The following MALRD1 variants were observed in gnomAD, a reference collection of about 807,000 sequenced individuals.
MALRD1 encodes MAM and LDL receptor class A domain containing 1.
In MALRD1, 247 loss-of-function variants were observed where a neutral mutation model predicts 242.1. That is an observed-to-expected ratio of 1.02 (90% confidence interval 0.92 to 1.13). The LOEUF (loss-of-function observed/expected upper bound fraction) is 1.13. MALRD1 is among the 50% of genes most tolerant of loss of function. The pLI, the probability that MALRD1 is intolerant of heterozygous loss-of-function variation, is 0.00. For missense variants in MALRD1, 2,989 were observed against 2,533.1 expected (o/e 1.18, Z -3.86); for synonymous variants, 995 against 866.6 (o/e 1.15, Z -2.60).
chr10:19,278,040 A>G (rs1424728291), intron 19 of MALRD1, among the ~76,000 whole-genome samples: 9 of 152,072 alleles, frequency 5.9e-5, no homozygotes, highest in Admixed American at 1.3e-4. Flanking sequence ...TTATTTCTCC[A>G]TATTTTTGTG....
Position 19,205,099 on chromosome 10 carries a change from A to C in MALRD1, c.2412A>C (p.Ser804=). The C allele has an allele frequency of 2.6e-6, 4 of 1,550,648 alleles. No individual in the cohort carries two copies. Among genetic ancestry groups the C allele is most frequent in the Non-Finnish European group, 3.5e-6 (4 of 1,146,988 alleles). ...KVSLGIYDGV[S]AIDDIRFENC... is the part of the protein sequence containing the mutation. ...GTCTGGGCATTTATGATGGGGTCTCAGCTATTGATGACATCCGATTTGAAA... is the reference window on the plus strand; with the variant it reads ...GTCTGGGCATTTATGATGGGGTCTCCGCTATTGATGACATCCGATTTGAAA... The change falls in exon 17 of 40, where the codon TCA becomes TCC. Residue 804 remains serine (S), a synonymous_variant. Transcript: ENST00000454679.
intron 1 of MALRD1, among the ~76,000 whole-genome samples, chr10:19,056,297 C>CAATATT (rs1334277560): frequency 6.7e-6 from 1 of 150,318 alleles, no homozygotes; most frequent in Admixed American, 6.7e-5. Context: ...GGCATTTTGA[C>CAATATT]AATATTAATT....
intron 19 of MALRD1, among the ~76,000 whole-genome samples, chr10:19,262,140 C>G (rs1208580634): frequency 6.6e-6 from 1 of 152,030 alleles, no homozygotes; most frequent in Non-Finnish European, 1.5e-5. Context: ...AAATCATTCT[C>G]AATTATGAAT....
At chr10:19,618,166 CT>C (rs964669617) in intron 36 of MALRD1, among the ~76,000 whole-genome samples, 140 of 151,906 alleles carry the variant, frequency 9.2e-4, no homozygotes, top group African/African-American at 2.6e-3. Context: ...GAATCTAATT[CT>C]TTTTTTTAAG....
intron 32 of MALRD1, among the ~76,000 whole-genome samples, chr10:19,552,564 G>T (rs1370308790): frequency 2.0e-5 from 3 of 151,784 alleles, no homozygotes; most frequent in African/African-American, 7.3e-5. Flanking sequence ...GTGTGTGTGT[G>T]TGTGTGTCTG....
chr10:19,226,730 AAAAT>A (rs1393088274), intron 18 of MALRD1, among the ~76,000 whole-genome samples: 2 of 152,094 alleles, frequency 1.3e-5, no homozygotes, highest in Non-Finnish European at 2.9e-5. Flanking sequence ...GGAAGAAAGA[AAAAT>A]AATATTCTCA....
chr10:19,727,935 T>C (rs1835110599), intron 38 of MALRD1, among the ~76,000 whole-genome samples: 1 of 152,132 alleles, frequency 6.6e-6, no homozygotes, highest in Non-Finnish European at 1.5e-5. Context: ...TTGATGAAAA[T>C]GGAAAATCAT....
At chr10:19,375,422 A>T (rs186474568) in intron 26 of MALRD1, among the ~76,000 whole-genome samples, 65 of 152,188 alleles carry the variant, frequency 4.3e-4, no homozygotes, top group African/African-American at 1.4e-3. Flanking sequence ...GGTGAGAAAG[A>T]GTTGGGAGAA....
intron 19 of MALRD1, among the ~76,000 whole-genome samples, chr10:19,270,040 T>G (rs887517923): frequency 6.6e-6 from 1 of 152,024 alleles, no homozygotes; most frequent in Non-Finnish European, 1.5e-5. Context: ...TTTTGCTGAG[T>G]GTGGTGGCTC....
chr10:19,164,250 G>C (rs1285142469), intron 12 of MALRD1, among the ~76,000 whole-genome samples: 1 of 152,096 alleles, frequency 6.6e-6, no homozygotes, highest in African/African-American at 2.4e-5. Flanking sequence ...CAAATAGAAT[G>C]CTTGGTGTTT....
intron 28 of MALRD1, among the ~76,000 whole-genome samples, chr10:19,419,098 T>C (rs551738500): frequency 2.6e-5 from 4 of 152,292 alleles, no homozygotes; most frequent in South Asian, 2.1e-4. Flanking sequence ...CGCCTTCCTT[T>C]CCACATCTCC....
intron 38 of MALRD1, 103 bp downstream of exon 38, chr10:19,692,657 G>A: frequency 1.2e-6 from 1 of 857,958 alleles, no homozygotes; most frequent in Admixed American, 2.7e-5. Flanking sequence ...TTACATGCAG[G>A]AAACTTTAGT....
intron 26 of MALRD1, among the ~76,000 whole-genome samples, chr10:19,353,384 A>G (rs903156310): frequency 2.0e-5 from 3 of 152,228 alleles, no homozygotes; most frequent in East Asian, 1.9e-4. Flanking sequence ...TATATTTATT[A>G]TAATTGATGA....
At chr10:19,228,861 G>A (rs1309128467) in intron 18 of MALRD1, among the ~76,000 whole-genome samples, 3 of 151,876 alleles carry the variant, frequency 2.0e-5, no homozygotes, top group African/African-American at 7.3e-5. Context: ...ACTTCAAAAA[G>A]GCACGTAGTT....
chr10:19,489,457 G>A, intron 29 of MALRD1: 1 of 584,424 alleles, frequency 1.7e-6, no homozygotes, highest in Admixed American at 1.9e-5. Context: ...GTACAATCCA[G>A]GGGAATATTT....
At chr10:19,157,056 C>G (rs549550351) in intron 12 of MALRD1, among the ~76,000 whole-genome samples, 6 of 152,084 alleles carry the variant, frequency 3.9e-5, no homozygotes, top group African/African-American at 7.2e-5. Flanking sequence ...GTTTTTCACG[C>G]TTTTCTCTAT....
chr10:19,377,878 C>T (rs911596229), intron 26 of MALRD1, among the ~76,000 whole-genome samples: 1 of 152,010 alleles, frequency 6.6e-6, no homozygotes, highest in Admixed American at 6.6e-5. Context: ...TTAAAATACT[C>T]TATGCACAAA....
At chr10:19,406,364 G>A (rs1378077051) in intron 28 of MALRD1, among the ~76,000 whole-genome samples, 2 of 152,114 alleles carry the variant, frequency 1.3e-5, no homozygotes, top group African/African-American at 4.8e-5. Context: ...AGTTTTCATT[G>A]TATTTCCATT....
intron 29 of MALRD1, among the ~76,000 whole-genome samples, chr10:19,479,389 G>T (rs1278974295): frequency 1.3e-5 from 2 of 152,146 alleles, no homozygotes; most frequent in Non-Finnish European, 2.9e-5. Context: ...TGAGTTATAG[G>T]AATCCATATT....
Sources: allele counts gnomAD v4.1 joint callset (sites outside exome capture counted in the v4.1 genomes callset), GRCh38; gene constraint gnomAD v4.1.1; transcripts MANE v1.5; gene names NCBI Gene and HGNC (gene_info 2026-07-23, HGNC 2026-07-21).